NFIB: variants seen among roughly 807,000 people sequenced by gnomAD.
The protein encoded by NFIB is nuclear factor I B.
Under a neutral mutation model 61.5 loss-of-function variants are expected in NFIB, and 11 were observed. That is an observed-to-expected ratio of 0.18 (90% confidence interval 0.11 to 0.30). The LOEUF (loss-of-function observed/expected upper bound fraction) is 0.30, where lower values mean the gene tolerates loss of function less well. Ranked by LOEUF, NFIB falls within the 10% of genes least tolerant of loss-of-function variation. NFIB has a pLI of 1.00. For missense variants in NFIB, 471 were observed against 608.9 expected (o/e 0.77, Z 2.38); for synonymous variants, 260 against 216.5 (o/e 1.20, Z -1.76).
chr9:14,473,892 T>G, the NFIB span, among the ~76,000 whole-genome samples: 1 of 152,200 alleles, frequency 6.6e-6, no homozygotes, highest in Admixed American at 6.5e-5. Flanking sequence ...TTCAGAACCA[T>G]GACCGTTTTT....
At chr9:14,429,331 G>C in the NFIB span, among the ~76,000 whole-genome samples, 2 of 152,176 alleles carry the variant, frequency 1.3e-5, no homozygotes. Context: ...AGAAACCAAA[G>C]TACAAAGAGG....
At chr9:14,498,360 A>C in the NFIB span, among the ~76,000 whole-genome samples, 1 of 152,250 alleles carries the variant, frequency 6.6e-6, no homozygotes, top group African/African-American at 2.4e-5. Flanking sequence ...AAGCCTGATC[A>C]GAAAAGTTTA....
intron 1 of NFIB, among the ~76,000 whole-genome samples, chr9:14,341,040 G>C (rs1490510562): frequency 6.6e-6 from 1 of 152,188 alleles, no homozygotes; most frequent in Non-Finnish European, 1.5e-5. Context: ...CTTAGTAGAT[G>C]AGGAATGTAG....
intron 1 of NFIB, among the ~76,000 whole-genome samples, chr9:14,342,561 A>G (rs1046761859): frequency 1.3e-5 from 2 of 152,202 alleles, no homozygotes; most frequent in African/African-American, 4.8e-5. Flanking sequence ...TATTGAACCC[A>G]GGCTGCATGC....
At chr9:14,100,513 C>T (rs1319904343) in intron 10 of NFIB, among the ~76,000 whole-genome samples, 1 of 151,928 alleles carries the variant, frequency 6.6e-6, no homozygotes, top group African/African-American at 2.4e-5. Flanking sequence ...TCGAGACCAT[C>T]CTGGCTAACA....
the NFIB span, among the ~76,000 whole-genome samples, chr9:14,491,029 T>C: frequency 6.6e-6 from 1 of 152,228 alleles, no homozygotes; most frequent in African/African-American, 2.4e-5. Context: ...AATGGAACAC[T>C]ATGTAGAAAT....
chr9:14,368,760 CAGAG>C (rs375541188), intron 1 of NFIB, among the ~76,000 whole-genome samples: 185 of 152,238 alleles, frequency 1.2e-3, no homozygotes, highest in African/African-American at 4.2e-3. Flanking sequence ...TTGGTGCTTT[CAGAG>C]AGAGAAGGTG....
At chr9:14,179,948 A>G (rs772202937) in intron 2 of NFIB, among the ~76,000 whole-genome samples, 168 bp from the exon 3 acceptor site, 9 of 152,234 alleles carry the variant, frequency 5.9e-5, no homozygotes, top group Admixed American at 2.6e-4. Context: ...TCATCAAACT[A>G]CATGAATGCA....
At chr9:14,124,391 T>C (rs1166608170) in intron 7 of NFIB, among the ~76,000 whole-genome samples, 1 of 152,220 alleles carries the variant, frequency 6.6e-6, no homozygotes, top group Non-Finnish European at 1.5e-5. Flanking sequence ...ATTTAAGTTG[T>C]ATAGTCCTCT....
chr9:14,291,554 T>C (rs973654735), intron 2 of NFIB, among the ~76,000 whole-genome samples: 1 of 152,178 alleles, frequency 6.6e-6, no homozygotes, highest in East Asian at 1.9e-4. Context: ...AAATTTCATA[T>C]GTTTTATTTA....
chr9:14,114,192 TA>T (rs1341029180), intron 9 of NFIB, among the ~76,000 whole-genome samples: 1 of 152,174 alleles, frequency 6.6e-6, no homozygotes, highest in African/African-American at 2.4e-5. Flanking sequence ...GTCAACTTTT[TA>T]AAAACAGTGA....
chr9:14,295,312 CA>C (rs1233941090), intron 2 of NFIB, among the ~76,000 whole-genome samples: 1 of 152,104 alleles, frequency 6.6e-6, no homozygotes, highest in African/African-American at 2.4e-5. Flanking sequence ...GTCTGAAAAC[CA>C]GCAGCATGCT....
At chr9:14,355,253 T>C (rs2061162140) in intron 1 of NFIB, among the ~76,000 whole-genome samples, 1 of 151,546 alleles carries the variant, frequency 6.6e-6, no homozygotes, top group African/African-American at 2.4e-5. Flanking sequence ...ACTGGTGGAG[T>C]CCCTGTAAGA....
At position 14,263,751 on chromosome 9, in the gene NFIB, C is replaced by T. The variant is rs554879491; in HGVS notation, c.562+43238G>A. 4.6e-5 allele frequency among the ~76,000 whole-genome samples: 7 copies of T among 152,234 alleles called. No homozygotes were observed. The South Asian group carries it at 1.0e-3, about 23-fold the overall frequency. On this transcript the variant is annotated intron_variant, in intron 2 of 10. Transcript: ENST00000380953. ...GAATTGGAGTTTAGGGATAGCAAAA[C>T]GAAAACTGAGCTGCAGACAAATAAA...
intron 10 of NFIB, among the ~76,000 whole-genome samples, chr9:14,092,570 C>G (rs756686494): frequency 6.6e-6 from 1 of 152,024 alleles, no homozygotes; most frequent in Non-Finnish European, 1.5e-5. Flanking sequence ...TAAGAAAGAA[C>G]TTTTGAACAG....
At position 14,235,057 on chromosome 9, in the gene NFIB, G is replaced by T. The variant is rs189244133; in HGVS notation, c.563-55277C>A. On this transcript the variant is annotated intron_variant, in intron 2 of 10. Transcript: ENST00000380953. ...CTATTTAGGGTTTCACAACTGGTAG[G>T]TACTTAATAAGTATATGCCTATAGA... Among the ~76,000 whole-genome samples, 117 of 152,166 alleles carry T rather than the reference G, an allele frequency of 7.7e-4. 1 individual carries two copies. The highest frequency in any genetic ancestry group is 1.2e-3 in the Non-Finnish European group (84 of 68,018).
chr9:14,510,184 C>G, the NFIB span, among the ~76,000 whole-genome samples: 1 of 152,218 alleles, frequency 6.6e-6, no homozygotes, highest in Non-Finnish European at 1.5e-5. Flanking sequence ...GCGTGAGCCA[C>G]CGTGCCCGGC....
chr9:14,431,571 T>C, the NFIB span, among the ~76,000 whole-genome samples: 1 of 152,270 alleles, frequency 6.6e-6, no homozygotes, highest in African/African-American at 2.4e-5. Context: ...TGTTTGTTTG[T>C]ATATTATTCT....
At chr9:14,250,537 A>G (rs571549589) in intron 2 of NFIB, among the ~76,000 whole-genome samples, 1 of 152,336 alleles carries the variant, frequency 6.6e-6, no homozygotes, top group South Asian at 2.1e-4. Flanking sequence ...TGGCCTCACT[A>G]CTACCTCAAT....
Sources: allele counts gnomAD v4.1 joint callset (sites outside exome capture counted in the v4.1 genomes callset), GRCh38; gene constraint gnomAD v4.1.1; transcripts MANE v1.5; gene names NCBI Gene and HGNC (gene_info 2026-07-23, HGNC 2026-07-21).